The following SUGCT variants were observed in gnomAD, a reference collection of about 807,000 sequenced individuals.
The protein encoded by SUGCT is succinyl-CoA:glutarate CoA-transferase.
In SUGCT, 41 loss-of-function variants were observed where a neutral mutation model predicts 55.0. The observed-to-expected ratio is 0.74, with a 90% confidence interval of 0.58 to 0.97. The LOEUF is 0.97. SUGCT is among the 50% of genes least tolerant of loss of function. The pLI is 0.00. For synonymous variants in SUGCT, 187 were observed against 200.4 expected (o/e 0.93, Z 0.56); for missense variants, 568 against 547.8 (o/e 1.04, Z -0.37).
the SUGCT span, among the ~76,000 whole-genome samples, chr7:41,021,235 C>A: frequency 1.3e-5 from 2 of 152,196 alleles, no homozygotes; most frequent in Non-Finnish European, 2.9e-5. Flanking sequence ...AGAATCTCAA[C>A]TCAGAAATCC....
At chr7:40,625,668 G>T (rs1799493465) in intron 12 of SUGCT, among the ~76,000 whole-genome samples, 1 of 152,102 alleles carries the variant, frequency 6.6e-6, no homozygotes, top group African/African-American at 2.4e-5. Flanking sequence ...TTTCTCTCCA[G>T]GAGAAACTGT....
At chr7:40,172,243 T>A (rs1392109382) in intron 1 of SUGCT, among the ~76,000 whole-genome samples, 1 of 152,034 alleles carries the variant, frequency 6.6e-6, no homozygotes, top group Non-Finnish European at 1.5e-5. Flanking sequence ...TGGGGGAAGC[T>A]GGGTAGAAAT....
chr7:40,753,282 T>A (rs1005796148), intron 13 of SUGCT, among the ~76,000 whole-genome samples: 1 of 152,234 alleles, frequency 6.6e-6, no homozygotes, highest in Non-Finnish European at 1.5e-5. Flanking sequence ...GGAGAACTCA[T>A]AAATGCTATA....
intron 12 of SUGCT, among the ~76,000 whole-genome samples, chr7:40,568,517 C>T (rs564073046): frequency 6.6e-6 from 1 of 152,302 alleles, no homozygotes; most frequent in Admixed American, 6.5e-5. Flanking sequence ...ATGTGCTCCT[C>T]AGCTCCCAGA....
chr7:40,303,197 C>G (rs999120099), intron 8 of SUGCT, among the ~76,000 whole-genome samples: 1 of 151,914 alleles, frequency 6.6e-6, no homozygotes, highest in Non-Finnish European at 1.5e-5. Context: ...CCTCGCCTGG[C>G]TAATTTTTGT....
At chr7:40,555,172 A>G (rs1795495988) in intron 12 of SUGCT, among the ~76,000 whole-genome samples, 1 of 151,588 alleles carries the variant, frequency 6.6e-6, no homozygotes, top group Non-Finnish European at 1.5e-5. Flanking sequence ...GAGCCCCCAG[A>G]GCTGGACCAG....
chr7:40,357,739 TTTC>T (rs1399059878), intron 9 of SUGCT, among the ~76,000 whole-genome samples: 10 of 152,278 alleles, frequency 6.6e-5, no homozygotes, highest in Admixed American at 4.6e-4. Flanking sequence ...TCTTTTTTCT[TTTC>T]TTTTTTGTCT....
chr7:40,415,317 A>G (rs1248571007), intron 9 of SUGCT, among the ~76,000 whole-genome samples: 1 of 150,836 alleles, frequency 6.6e-6, no homozygotes, highest in Non-Finnish European at 1.5e-5. Flanking sequence ...AAAAAAATGC[A>G]TAGCAATGCT....
At chr7:40,254,295 C>T (rs1357978808) in intron 7 of SUGCT, among the ~76,000 whole-genome samples, 1 of 151,088 alleles carries the variant, frequency 6.6e-6, no homozygotes, top group Non-Finnish European at 1.5e-5. Context: ...GGGAAAGGGA[C>T]TCCCCTATTT....
At chr7:40,684,567 C>T (rs1008608381) in intron 12 of SUGCT, among the ~76,000 whole-genome samples, 1 of 152,158 alleles carries the variant, frequency 6.6e-6, no homozygotes, top group Non-Finnish European at 1.5e-5. Context: ...ATTTATTCAG[C>T]TAATTATATC....
intron 1 of SUGCT, among the ~76,000 whole-genome samples, chr7:40,142,850 A>C (rs141542543): frequency 1.0e-3 from 155 of 152,350 alleles, no homozygotes; most frequent in African/African-American, 3.6e-3. Flanking sequence ...GTAGCCCCTA[A>C]TTACTCAGCT....
At chr7:40,644,859 T>A (rs1800429149) in intron 12 of SUGCT, among the ~76,000 whole-genome samples, 1 of 152,208 alleles carries the variant, frequency 6.6e-6, no homozygotes, top group Non-Finnish European at 1.5e-5. Context: ...CGAGTTGCTT[T>A]GCGAGCCCAG....
chr7:41,006,770 T>C, the SUGCT span, among the ~76,000 whole-genome samples: 2 of 152,202 alleles, frequency 1.3e-5, no homozygotes, highest in South Asian at 4.1e-4. Flanking sequence ...AAATACTTGG[T>C]TCTGTCTTGG....
rs372879131 is a variant in SUGCT at position 40,172,518 on chromosome 7, A to G, written c.101-8429A>G. Among the ~76,000 whole-genome samples, 92 of 152,266 alleles carry G rather than the reference A, an allele frequency of 6.0e-4. 2 individuals are homozygous for G. In the South Asian group the frequency reaches 0.018, roughly 29 times the overall value. On this transcript the variant is annotated intron_variant, in intron 1 of 13. Transcript: ENST00000335693. Reference sequence around the variant, plus strand: ...GTGAAAGTCTGAAGCATTAGTACCTAGGAGGCAGGGATCAGAGGAAATAGA... The same window carrying G: ...GTGAAAGTCTGAAGCATTAGTACCTGGGAGGCAGGGATCAGAGGAAATAGA...
chr7:40,240,125 A>G (rs778936341), intron 7 of SUGCT, among the ~76,000 whole-genome samples: 5 of 152,280 alleles, frequency 3.3e-5, no homozygotes, highest in South Asian at 2.1e-4. Flanking sequence ...GCCTCAGGCC[A>G]TTATTATGCT....
intron 9 of SUGCT, among the ~76,000 whole-genome samples, chr7:40,353,267 A>C (rs73688059): frequency 0.012 from 1,873 of 152,212 alleles, 32 homozygotes; most frequent in African/African-American, 0.041. Flanking sequence ...TTTTTTCCCC[A>C]AAAGGATTAG....
the SUGCT span, among the ~76,000 whole-genome samples, chr7:40,944,408 T>C: frequency 5.9e-5 from 9 of 151,466 alleles, no homozygotes; most frequent in Non-Finnish European, 1.0e-4. Context: ...GTTTTTATGG[T>C]TTTAGGTCTA....
intron 13 of SUGCT, among the ~76,000 whole-genome samples, chr7:40,811,475 C>CT (rs894465917): frequency 3.3e-5 from 5 of 151,938 alleles, no homozygotes; most frequent in Non-Finnish European, 5.9e-5. Context: ...TTGTAGAGCT[C>CT]TTTTTTGTCC....
At chr7:40,577,903 T>C (rs1796854528) in intron 12 of SUGCT, among the ~76,000 whole-genome samples, 2 of 152,248 alleles carry the variant, frequency 1.3e-5, no homozygotes, top group Admixed American at 1.3e-4. Flanking sequence ...GCCTTTCTAC[T>C]GGCTTATACA....
Sources: allele counts gnomAD v4.1 joint callset (sites outside exome capture counted in the v4.1 genomes callset), GRCh38; gene constraint gnomAD v4.1.1; transcripts MANE v1.5; gene names NCBI Gene and HGNC (gene_info 2026-07-23, HGNC 2026-07-21).